Variants in GIMAP1 observed in about 807,000 individuals in gnomAD.
The protein encoded by GIMAP1 is GTPase IMAP family member 1.
For missense variants in GIMAP1, 423 were observed against 411.9 expected, an observed-to-expected ratio of 1.03 and a Z score of -0.23; for synonymous variants, 230 against 187.7, an observed-to-expected ratio of 1.23 and a Z score of -1.84.
In GIMAP1 at chr7:150,721,555, A is replaced by T. The variant is rs1343273890; in HGVS notation, c.*630A>T. ...GCCGGGCGAGGTGGCTCACGCCTGT[A>T]ATCCCAACACTTTGGGAGGTCGAGG... is the stretch of plus-strand genomic sequence containing the variant. On this transcript the variant is annotated 3_prime_UTR_variant, in exon 3 of 3. Coordinates refer to ENST00000307194, the MANE Select transcript of GIMAP1 (RefSeq NM_130759.4). The T allele has an allele frequency of 6.6e-6, 1 of 152,260 alleles. No homozygotes were observed. The highest frequency in any genetic ancestry group is 1.5e-5 in the Non-Finnish European group (1 of 68,072). 9.4% of individuals were successfully genotyped at this position (152,260 alleles called of 1,614,324 possible).
At position 150,720,344 on chromosome 7, in the gene GIMAP1, G is replaced by A. The variant is rs1797279058; in HGVS notation, c.340G>A (p.Ala114Thr). The A allele has an allele frequency of 1.2e-6, 2 of 1,612,322 alleles. No individual in the cohort carries two copies. The highest frequency in any genetic ancestry group is 1.7e-6 in the Non-Finnish European group (2 of 1,178,914). The change falls in exon 3 of 3, where the codon GCG becomes ACG. Residue 114 changes from alanine to threonine, a missense_variant. By Grantham distance (58) the Ala-to-Thr change is moderately conservative. Coordinates refer to ENST00000307194, the MANE Select transcript of GIMAP1 (RefSeq NM_130759.4). The surrounding 1 kb of genome is among the most constrained non-coding windows in gnomAD (Gnocchi z 4.5). ...CYLLSAPGPH[A>T]LLLVTQLGRF... ...CCTGCTCTCGGCCCCCGGACCCCAC[G>A]CGCTGCTCCTGGTGACCCAGTTGGG...
At chr7:150,719,303 A>T (rs1797260473) in intron 2 of GIMAP1, 2 of 592,504 alleles carry the variant, frequency 3.4e-6, no homozygotes, top group Admixed American at 6.0e-5. Flanking sequence ...TTGGTTCCAC[A>T]GTATAAAATA....
intron 2 of GIMAP1, chr7:150,719,295 G>C (rs767254301): frequency 3.3e-6 from 2 of 605,326 alleles, no homozygotes; most frequent in Non-Finnish European, 5.7e-6. Flanking sequence ...CTGCTCCCTT[G>C]GTTCCACAGT....
chr7:150,719,970 T>C, intron 2 of GIMAP1, 78 bp from the exon 3 acceptor site: 3 of 1,489,820 alleles, frequency 2.0e-6, no homozygotes, highest in South Asian at 1.4e-5. Flanking sequence ...TAACCACTTA[T>C]GCTAAAGGCA....
Position 150,719,093 on chromosome 7 carries a change from A to G in GIMAP1, c.43+3A>G, listed in dbSNP as rs768029407. The G allele has an allele frequency of 6.2e-7, 1 of 1,614,196 alleles. No homozygotes were observed. The highest frequency in any genetic ancestry group is 8.5e-7 in the Non-Finnish European group (1 of 1,180,026). On this transcript the variant is annotated splice_donor_region_variant and intron_variant, in intron 2 of 2. Coordinates refer to ENST00000307194, the MANE Select transcript of GIMAP1 (RefSeq NM_130759.4). ...GACAGATGAAGAAAATGTCTATGGTAAGACCATATCTCTACACCTCATACT... is the reference window on the plus strand; with the variant it reads ...GACAGATGAAGAAAATGTCTATGGTGAGACCATATCTCTACACCTCATACT...
chr7:150,720,209 G>A lies in GIMAP1; in HGVS notation c.205G>A (p.Gly69Ser). 1 of 1,614,188 alleles carries A rather than the reference G, an allele frequency of 6.2e-7. No individual in the cohort carries two copies. Among genetic ancestry groups the A allele is most frequent in the Non-Finnish European group, 8.5e-7 (1 of 1,180,030 alleles). The change falls in exon 3 of 3, where the codon GGC becomes AGC. Residue 69 changes from glycine to serine, a missense_variant. Physicochemically the swap from Gly to Ser is moderately conservative, Grantham distance 56. Coordinates refer to ENST00000307194, the MANE Select transcript of GIMAP1 (RefSeq NM_130759.4). The surrounding 1 kb of genome is among the most constrained non-coding windows in gnomAD (Gnocchi z 4.5). Reference protein sequence around the residue: ...ATSVTRACTTGSRRWDKCHVE... With the variant: ...ATSVTRACTTSSRRWDKCHVE... ...GTCTGTGACCAGGGCCTGCACCACGGGCAGCCGCAGGTGGGACAAGTGCCA... is the reference window on the plus strand; with the variant it reads ...GTCTGTGACCAGGGCCTGCACCACGAGCAGCCGCAGGTGGGACAAGTGCCA...
In GIMAP1 at chr7:150,721,340, T is replaced by C. The variant is rs1015926800; in HGVS notation, c.*415T>C. 5 of 158,720 alleles carry C rather than the reference T, an allele frequency of 3.2e-5. No homozygotes were observed. Among genetic ancestry groups the C allele is most frequent in the Middle Eastern group, 2.8e-3 (1 of 358 alleles). The allele number at this position is 158,720 out of a possible 1,614,324, so 9.8% of individuals were successfully genotyped here. The stretch of plus-strand genomic sequence containing the variant: ...TAGATAGGTTCCTTTGTGATCCTTG[T>C]AGACTTTTAGCATCAATAAAAGAAA... On this transcript the variant is annotated 3_prime_UTR_variant, in exon 3 of 3. Transcript: ENST00000307194.
chr7:150,716,897 G>A (rs1182266521), intron 1 of GIMAP1, among the ~76,000 whole-genome samples: 2 of 152,030 alleles, frequency 1.3e-5, no homozygotes, highest in Non-Finnish European at 2.9e-5. Context: ...TCCAGCTCTG[G>A]AGCACACACG....
chr7:150,720,521 G>T lies in GIMAP1; in HGVS notation c.517G>T (p.Ala173Ser). The T allele has an allele frequency of 6.2e-7, 1 of 1,603,892 alleles. No individual in the cohort carries two copies. The highest frequency in any genetic ancestry group is 8.5e-7 in the Non-Finnish European group (1 of 1,175,204). Residue 173 changes from alanine to serine, a missense_variant, in exon 3 of 3, where the codon GCC becomes TCC. By Grantham distance (99) the Ala-to-Ser change is moderately conservative. Transcript: ENST00000307194. The surrounding 1 kb of genome is among the most constrained non-coding windows in gnomAD (Gnocchi z 4.5). ...TTACGTGAGCAACACAGAGAACCGGGCCTTGCGCGAGCTGGTGGCCGAGTG... is the reference window on the plus strand; with the variant it reads ...TTACGTGAGCAACACAGAGAACCGGTCCTTGCGCGAGCTGGTGGCCGAGTG... Reference protein sequence around the residue: ...HDYVSNTENRALRELVAECGG... With the variant: ...HDYVSNTENRSLRELVAECGG...
rs1283096730 is a variant in GIMAP1 at position 150,722,048 on chromosome 7, G to A, written c.*1123G>A. 3.9e-5 allele frequency: 6 copies of A among 152,212 alleles called. No homozygotes were observed. Among genetic ancestry groups the A allele is most frequent in the Non-Finnish European group, 8.8e-5 (6 of 68,040 alleles). The allele number at this position is 152,212 out of a possible 1,614,324, so 9.4% of individuals were successfully genotyped here. A position where few individuals can be genotyped will look rare whatever the true frequency, so the allele number is the denominator to read the frequency against. ...CATCCGGTTTTTTCGGGATGGGCCT[G>A]TCCAGGAAGGTTCTCGAATGCCACG... is the stretch of plus-strand genomic sequence containing the variant. On this transcript the variant is annotated 3_prime_UTR_variant, in exon 3 of 3. Transcript: ENST00000307194.
At position 150,720,533 on chromosome 7, in the gene GIMAP1, C is replaced by T. The variant is rs1397162566; in HGVS notation, c.529C>T (p.Leu177=). ...CACAGAGAACCGGGCCTTGCGCGAG[C>T]TGGTGGCCGAGTGCGGGGGCCGGGT... ...SNTENRALRE[L]VAECGGRVCA... is the part of the protein sequence containing the mutation. Residue 177 remains leucine (L), a synonymous_variant, in exon 3 of 3, where the codon CTG becomes TTG. Transcript: ENST00000307194. This position sits in a 1 kb window ranked among gnomAD's most constrained non-coding sequence, Gnocchi z 4.5. 5.0e-6 allele frequency: 8 copies of T among 1,608,390 alleles called. No individual in the cohort carries two copies. Among genetic ancestry groups the T allele is most frequent in the Non-Finnish European group, 6.8e-6 (8 of 1,177,336 alleles).
chr7:150,719,877 G>A (rs1797270196), intron 2 of GIMAP1, among the ~76,000 whole-genome samples, 171 bp from the exon 3 acceptor site: 1 of 152,234 alleles, frequency 6.6e-6, no homozygotes, highest in Non-Finnish European at 1.5e-5. Flanking sequence ...ACTGTAGTTG[G>A]AGCATCTACT....
Position 150,720,244 on chromosome 7 carries a change from C to A in GIMAP1, c.240C>A (p.Val80=). 1 of 1,614,174 alleles carries A rather than the reference C, an allele frequency of 6.2e-7. No individual in the cohort carries two copies. Among genetic ancestry groups the A allele is most frequent in the Non-Finnish European group, 8.5e-7 (1 of 1,180,030 alleles). ...GGTGGGACAAGTGCCACGTGGAAGTCGTGGACACTCCGGACATTTTCAGCT... is the reference window on the plus strand; with the variant it reads ...GGTGGGACAAGTGCCACGTGGAAGTAGTGGACACTCCGGACATTTTCAGCT... The part of the protein sequence containing the change: ...SRRWDKCHVE[V]VDTPDIFSSQ... Residue 80 remains valine (V), a synonymous_variant, in exon 3 of 3, where the codon GTC becomes GTA. Coordinates refer to ENST00000307194, the MANE Select transcript of GIMAP1 (RefSeq NM_130759.4). This position sits in a 1 kb window ranked among gnomAD's most constrained non-coding sequence, Gnocchi z 4.5.
Position 150,720,267 on chromosome 7 carries a change from G to C in GIMAP1, c.263G>C (p.Ser88Thr), listed in dbSNP as rs573593989. 1 of 1,614,194 alleles carries C rather than the reference G, an allele frequency of 6.2e-7. No individual in the cohort carries two copies. The highest frequency in any genetic ancestry group is 2.2e-5 in the East Asian group (1 of 44,876). Residue 88 changes from serine (S) to threonine (T), a missense_variant, in exon 3 of 3, where the codon AGC becomes ACC. Ser to Thr is a moderately conservative substitution (Grantham distance 58, BLOSUM62 1). Transcript: ENST00000307194. The surrounding 1 kb of genome is among the most constrained non-coding windows in gnomAD (Gnocchi z 4.5). ...GTCGTGGACACTCCGGACATTTTCA[G>C]CTCCCAAGTGTCCAAGACAGATCCT... ...VEVVDTPDIF[S>T]SQVSKTDPGC...
intron 1 of GIMAP1, among the ~76,000 whole-genome samples, chr7:150,718,026 A>T (rs1465976703): frequency 6.6e-6 from 1 of 152,136 alleles, no homozygotes; most frequent in Non-Finnish European, 1.5e-5. Flanking sequence ...AACAAGTTTG[A>T]CATGGATGGT....
intron 1 of GIMAP1, 124 bp downstream of exon 1, chr7:150,716,814 T>C (rs1331550931): frequency 6.6e-6 from 1 of 152,066 alleles, no homozygotes; most frequent in African/African-American, 2.4e-5. Context: ...GCGAGCAAGA[T>C]CTGGAACAAT....
Position 150,723,152 on chromosome 7 carries a change from A to G in GIMAP1, c.*2227A>G, listed in dbSNP as rs1198669486. 6.6e-6 allele frequency: 1 copy of G among 152,238 alleles called. No homozygotes were observed. The highest frequency in any genetic ancestry group is 1.5e-5 in the Non-Finnish European group (1 of 68,042). 9.4% of individuals were successfully genotyped at this position (152,238 alleles called of 1,614,324 possible). ...AATAATGTATTATTAAAGAAGTTACAGTTTTCCTTTACATTCAATAACATT... is the reference window on the plus strand; with the variant it reads ...AATAATGTATTATTAAAGAAGTTACGGTTTTCCTTTACATTCAATAACATT... On this transcript the variant is annotated 3_prime_UTR_variant, in exon 3 of 3. Coordinates refer to ENST00000307194, the MANE Select transcript of GIMAP1 (RefSeq NM_130759.4).
chr7:150,721,191 A>C lies in GIMAP1; in HGVS notation c.*266A>C. ...CTTCCTTTGGTAGTTTTGGTAGTCT[A>C]ATGTCAAGTAGCTTGTAGTGGGGAC... is the stretch of plus-strand genomic sequence containing the variant. On this transcript the variant is annotated 3_prime_UTR_variant, in exon 3 of 3. Transcript: ENST00000307194. 2.8e-6 allele frequency: 1 copy of C among 358,508 alleles called. No homozygotes were observed. Among genetic ancestry groups the C allele is most frequent in the Admixed American group, 4.5e-5 (1 of 22,096 alleles). 22.2% of individuals were successfully genotyped at this position (358,508 alleles called of 1,614,324 possible). A position where few individuals can be genotyped will look rare whatever the true frequency, so the allele number is the denominator to read the frequency against.
rs1195704094 is a variant in GIMAP1 at position 150,723,923 on chromosome 7, AC to A, written c.*2999del. On this transcript the variant is annotated 3_prime_UTR_variant, in exon 3 of 3. Transcript: ENST00000307194. ...GTACCTGGATCAGCTTTTGTTCTAC[AC>A]AAAAAGACTTGTATCTGGCTTATTT... 1.3e-5 allele frequency: 2 copies of A among 152,172 alleles called. No individual in the cohort carries two copies. The highest frequency in any genetic ancestry group is 4.8e-5 in the African/African-American group (2 of 41,442). 9.4% of individuals were successfully genotyped at this position (152,172 alleles called of 1,614,324 possible).
Sources: allele counts gnomAD v4.1 joint callset (sites outside exome capture counted in the v4.1 genomes callset), GRCh38; gene constraint gnomAD v4.1.1; non-coding constraint Gnocchi (gnomAD v3.1); transcripts MANE v1.5; gene names NCBI Gene and HGNC (gene_info 2026-07-23, HGNC 2026-07-21).